Variants in ZBBX observed in about 807,000 individuals in gnomAD.
ZBBX encodes zinc finger B-box domain-containing protein 1.
Under a neutral mutation model 108.5 loss-of-function variants are expected in ZBBX, and 101 were observed. The observed-to-expected ratio is 0.93, with a 90% confidence interval of 0.79 to 1.10. The LOEUF (loss-of-function observed/expected upper bound fraction) is 1.10, where lower values mean the gene tolerates loss of function less well. Among genes scored for constraint, ZBBX ranks in the 50% least tolerant of loss-of-function variants. ZBBX has a pLI of 0.00. For missense variants in ZBBX, 1,009 were observed against 941.4 expected, an observed-to-expected ratio of 1.07 and a Z score of -0.94; for synonymous variants, 356 against 323.4, an observed-to-expected ratio of 1.10 and a Z score of -1.08.
the ZBBX span, among the ~76,000 whole-genome samples, chr3:167,213,960 A>G: frequency 1.3e-5 from 2 of 152,168 alleles, no homozygotes; most frequent in Non-Finnish European, 1.5e-5. Context: ...AGAAGAAATA[A>G]GATCCTTTTC....
chr3:167,329,568 A>C (rs1738045801), intron 10 of ZBBX, among the ~76,000 whole-genome samples: 2 of 152,206 alleles, frequency 1.3e-5, no homozygotes, highest in Non-Finnish European at 2.9e-5. Context: ...ATGATGTCTG[A>C]ATTGGATTTT....
At chr3:167,336,579 A>G (rs7636379) in intron 9 of ZBBX, among the ~76,000 whole-genome samples, 7,940 of 152,232 alleles carry the variant, frequency 0.052, 564 homozygotes, top group African/African-American at 0.16. Flanking sequence ...TCAAATGGCT[A>G]CAAAATGTCG....
intron 20 of ZBBX, 59 bp downstream of exon 20, chr3:167,282,179 A>T: frequency 6.6e-7 from 1 of 1,509,212 alleles, no homozygotes; most frequent in East Asian, 2.3e-5. Context: ...GATATGAAGA[A>T]TCCGGCTGAG....
rs1729005073 is a variant in ZBBX at position 167,282,554 on chromosome 3, A to G, written c.1997-59T>C. ...TTTTAAAAATTTGAATGAGTACTTA[A>G]AGATACAAAATACCAGGTCCCTGCA... On this transcript the variant is annotated intron_variant, in intron 19 of 21. Coordinates refer to ENST00000675490, the MANE Select transcript of ZBBX (RefSeq NM_001199201.2). The G allele has an allele frequency of 1.6e-5, 22 of 1,417,444 alleles. 1 individual carries two copies. The highest frequency in any genetic ancestry group is 2.1e-5 in the Admixed American group (1 of 48,602). 87.8% of individuals were successfully genotyped at this position (1,417,444 alleles called of 1,614,324 possible). A position where few individuals can be genotyped will look rare whatever the true frequency, so the allele number is the denominator to read the frequency against.
At chr3:167,361,885 A>T (rs529807868) in intron 6 of ZBBX, among the ~76,000 whole-genome samples, 1 of 152,318 alleles carries the variant, frequency 6.6e-6, no homozygotes, top group African/African-American at 2.4e-5. Context: ...GATATGCCCA[A>T]GCAAAATGAA....
chr3:167,355,775 G>T (rs1399188907), intron 8 of ZBBX, among the ~76,000 whole-genome samples: 1 of 151,952 alleles, frequency 6.6e-6, no homozygotes, highest in Non-Finnish European at 1.5e-5. Flanking sequence ...ACTAACATGG[G>T]ATATTCTTTT....
chr3:167,363,723 A>G (rs1183593809), intron 6 of ZBBX, among the ~76,000 whole-genome samples: 4 of 152,094 alleles, frequency 2.6e-5, no homozygotes. Flanking sequence ...GATTCTATTA[A>G]ACCCTTGAAA....
rs1425305639 is a variant in ZBBX at position 167,248,435 on chromosome 3, G to GTTTTTT, written c.2255-5793_2255-5792insAAAAAA. Among the ~76,000 whole-genome samples, 176 of 151,792 alleles carry GTTTTTT rather than the reference G, an allele frequency of 1.2e-3. 1 individual carries two copies. The highest frequency in any genetic ancestry group is 4.0e-3 in the African/African-American group (167 of 41,378). ...ATCTTCCCCCTTTTCCTCTTAAACT[G>GTTTTTT]TTTTTCTTTTTTCTTTTTTTTTTTC... On this transcript the variant is annotated intron_variant, in intron 20 of 21. Coordinates refer to ENST00000675490, the MANE Select transcript of ZBBX (RefSeq NM_001199201.2).
intron 20 of ZBBX, among the ~76,000 whole-genome samples, chr3:167,259,760 A>T (rs1724143762): frequency 6.6e-6 from 1 of 151,918 alleles, no homozygotes. Context: ...CAGTTATTTA[A>T]TTTTCATGTA....
At chr3:167,355,210 A>G (rs1326348890) in intron 8 of ZBBX, among the ~76,000 whole-genome samples, 1 of 152,024 alleles carries the variant, frequency 6.6e-6, no homozygotes, top group Non-Finnish European at 1.5e-5. Context: ...CGTCTTTGCC[A>G]TCAATATATG....
At chr3:167,252,210 T>A (rs1360286441) in intron 20 of ZBBX, 2 of 1,288,592 alleles carry the variant, frequency 1.6e-6, no homozygotes. Context: ...AGTGGATGCA[T>A]CCTAGAAATA....
chr3:167,187,901 T>G, the ZBBX span, among the ~76,000 whole-genome samples: 13 of 152,188 alleles, frequency 8.5e-5, no homozygotes, highest in African/African-American at 3.1e-4. Context: ...ACTTACCAGA[T>G]AAAACAGTTA....
At chr3:167,259,067 G>A (rs1032779724) in intron 20 of ZBBX, among the ~76,000 whole-genome samples, 2 of 151,818 alleles carry the variant, frequency 1.3e-5, no homozygotes, top group African/African-American at 4.8e-5. Flanking sequence ...TTCTTCAAAT[G>A]TCTGGTAGAA....
chr3:167,194,530 C>T, the ZBBX span, among the ~76,000 whole-genome samples: 1 of 152,028 alleles, frequency 6.6e-6, no homozygotes, highest in Non-Finnish European at 1.5e-5. Context: ...GTGCGTATTT[C>T]AGAATTTGGA....
chr3:167,305,888 C>A lies in ZBBX; in HGVS notation c.1480G>T (p.Glu494Ter). The A allele has an allele frequency of 6.2e-7, 1 of 1,607,842 alleles. No individual in the cohort carries two copies. Among genetic ancestry groups the A allele is most frequent in the Non-Finnish European group, 8.5e-7 (1 of 1,177,658 alleles). Residue 494 changes from glutamate to a stop codon, truncating the protein, a stop_gained, in exon 17 of 22, where the codon GAA becomes TAA. Coordinates refer to ENST00000675490, the MANE Select transcript of ZBBX (RefSeq NM_001199201.2). LOFTEE classifies it high-confidence loss of function. ...AAGGAGGTGCTTTCCTCAATTTTTT[C>A]AATGTCAGAAGAATACACATCAGGA... The part of the protein sequence containing the change: ...VDPDVYSSDI[E>*]KIEESTSFER...
the ZBBX span, among the ~76,000 whole-genome samples, chr3:167,225,382 C>T: frequency 6.6e-6 from 1 of 151,790 alleles, no homozygotes; most frequent in Non-Finnish European, 1.5e-5. Flanking sequence ...GGAATAACAA[C>T]TAGGTTCCTA....
At chr3:167,399,162 A>T (rs1015366642) in intron 1 of ZBBX, among the ~76,000 whole-genome samples, 1 of 151,890 alleles carries the variant, frequency 6.6e-6, no homozygotes, top group Non-Finnish European at 1.5e-5. Context: ...TCATGCACTC[A>T]CTCATTCATT....
At chr3:167,267,795 A>G (rs778477872) in intron 20 of ZBBX, among the ~76,000 whole-genome samples, 7 of 152,166 alleles carry the variant, frequency 4.6e-5, no homozygotes, top group Non-Finnish European at 1.0e-4. Flanking sequence ...CTAGCATCCG[A>G]CAATGAAGAC....
In ZBBX at chr3:167,347,938, C is replaced by T. The variant is rs544039730; in HGVS notation, c.528+2482G>A. 2.2e-4 allele frequency among the ~76,000 whole-genome samples: 33 copies of T among 152,004 alleles called. No individual in the cohort carries two copies. The South Asian group carries it at 6.4e-3, about 30-fold the overall frequency. ...AAAGAATCCCAATATTTGAAGAAAC[C>T]TTTAAAAGAATCATAGTTCCTTGCC... On this transcript the variant is annotated intron_variant, in intron 9 of 21. Coordinates refer to ENST00000675490, the MANE Select transcript of ZBBX (RefSeq NM_001199201.2).
Sources: gnomAD v4.1 joint callset for allele counts (sites outside exome capture counted in the v4.1 genomes callset) on GRCh38, gnomAD v4.1.1 for gene constraint, MANE v1.5 for transcripts, NCBI Gene and HGNC (gene_info 2026-07-23, HGNC 2026-07-21) for gene names.